Variants in KCNIP4 observed in about 807,000 individuals in gnomAD.
The protein encoded by KCNIP4 is Kv channel-interacting protein 4.
A neutral mutation model predicts 34.0 loss-of-function variants in KCNIP4; 12 were observed. The observed-to-expected ratio is 0.35, with a 90% CI of 0.23 to 0.57. The LOEUF is 0.57. Ranked by LOEUF, KCNIP4 falls within the 20% of genes least tolerant of loss-of-function variation. KCNIP4 has a pLI of 0.83. For synonymous variants in KCNIP4, 124 were observed against 102.2 expected (o/e 1.21, Z -1.29); for missense variants, 238 against 311.7 (o/e 0.76, Z 1.78).
At chr4:20,732,291 G>A (rs538398127) in intron 7 of KCNIP4, among the ~76,000 whole-genome samples, 51 of 152,274 alleles carry the variant, frequency 3.3e-4, no homozygotes, top group African/African-American at 1.1e-3. Context: ...AAGATGTAGA[G>A]TCACTCTGTC....
At chr4:20,740,403 G>C (rs1475143179) in intron 5 of KCNIP4, among the ~76,000 whole-genome samples, 1 of 152,198 alleles carries the variant, frequency 6.6e-6, no homozygotes, top group Non-Finnish European at 1.5e-5. Context: ...TTACAAGCCA[G>C]AAGAGAGTGG....
At position 21,855,956 on chromosome 4, in the gene KCNIP4, C is replaced by T. The variant is rs115997330; in HGVS notation, c.61+92615G>A. Among the ~76,000 whole-genome samples the T allele has an allele frequency of 1.0e-2, 1,523 of 152,308 alleles. 29 individuals carry two copies. The highest frequency in any genetic ancestry group is 0.035 in the African/African-American group (1,436 of 41,566). On this transcript the variant is annotated intron_variant, in intron 1 of 8. Transcript: ENST00000382152. ...AAATCAATTAACAACATTGAAAAAT[C>T]AGAATATGTCTGTTAAAATGAGAGT...
chr4:21,621,275 T>C (rs1341282124), intron 1 of KCNIP4, among the ~76,000 whole-genome samples: 1 of 152,224 alleles, frequency 6.6e-6, no homozygotes, highest in Non-Finnish European at 1.5e-5. Context: ...CACTTAATGC[T>C]ATCTAGATCT....
At chr4:20,855,820 A>G (rs1260021515) in intron 2 of KCNIP4, among the ~76,000 whole-genome samples, 1 of 152,206 alleles carries the variant, frequency 6.6e-6, no homozygotes, top group Non-Finnish European at 1.5e-5. Flanking sequence ...ATAGTGACGG[A>G]TGAATAAAAA....
intron 1 of KCNIP4, among the ~76,000 whole-genome samples, chr4:21,483,101 T>A: frequency 7.4e-6 from 1 of 135,202 alleles, no homozygotes; most frequent in African/African-American, 2.7e-5. Flanking sequence ...GGGGGAGGGA[T>A]AGCATTAGGA....
At chr4:21,887,033 A>G (rs1211957523) in intron 1 of KCNIP4, among the ~76,000 whole-genome samples, 2 of 152,306 alleles carry the variant, frequency 1.3e-5, no homozygotes, top group African/African-American at 4.8e-5. Context: ...CATCATTGCC[A>G]GCTTCAGGAC....
chr4:21,944,500 C>T (rs879877533), intron 1 of KCNIP4, among the ~76,000 whole-genome samples: 1 of 141,764 alleles, frequency 7.1e-6, no homozygotes, highest in Non-Finnish European at 1.5e-5. Flanking sequence ...GAGATTGCAG[C>T]GAGCCAAGGT....
intron 1 of KCNIP4, among the ~76,000 whole-genome samples, chr4:20,951,694 T>C (rs1400139022): frequency 2.0e-5 from 3 of 152,184 alleles, no homozygotes; most frequent in Non-Finnish European, 4.4e-5. Flanking sequence ...TCTAAGTGTT[T>C]GAGTGTTGGA....
intron 1 of KCNIP4, among the ~76,000 whole-genome samples, chr4:21,407,471 T>C (rs1724094852): frequency 6.6e-6 from 1 of 152,202 alleles, no homozygotes; most frequent in Non-Finnish European, 1.5e-5. Flanking sequence ...TTTCACTGTG[T>C]GTTCCACAGC....
Position 21,940,612 on chromosome 4 carries a change from T to C in KCNIP4, c.61+7959A>G, listed in dbSNP as rs139545201. Among the ~76,000 whole-genome samples, 1,088 of 152,242 alleles carry C rather than the reference T, an allele frequency of 7.1e-3. 5 individuals carry two copies. Among genetic ancestry groups the C allele is most frequent in the South Asian group, 0.025 (119 of 4,828 alleles). On this transcript the variant is annotated intron_variant, in intron 1 of 8. Coordinates refer to ENST00000382152, the MANE Select transcript of KCNIP4 (RefSeq NM_025221.6). Reference sequence around the variant, plus strand: ...TCTTTGTAAATATTTGCTGAATTGATCTCATTTCATCATTACAGGATCTTT... The same window carrying C: ...TCTTTGTAAATATTTGCTGAATTGACCTCATTTCATCATTACAGGATCTTT...
Position 20,805,768 on chromosome 4 carries a change from A to G in KCNIP4, c.288+44775T>C, listed in dbSNP as rs536997529. On this transcript the variant is annotated intron_variant, in intron 3 of 8. Coordinates refer to ENST00000382152, the MANE Select transcript of KCNIP4 (RefSeq NM_025221.6). ...TCAATTAAAGTCTTTTCATTGCTTA[A>G]ATCTTTCTTTCCTCAGAGTAGTAGA... 3.8e-3 allele frequency among the ~76,000 whole-genome samples: 574 copies of G among 152,184 alleles called. 2 individuals are homozygous for G. The highest frequency in any genetic ancestry group is 0.013 in the African/African-American group (548 of 41,554).
intron 1 of KCNIP4, among the ~76,000 whole-genome samples, chr4:21,937,202 G>T (rs958092639): frequency 1.3e-5 from 2 of 152,016 alleles, no homozygotes; most frequent in Non-Finnish European, 2.9e-5. Context: ...GTTTGACCTG[G>T]ATGTTTTCCC....
At chr4:20,822,684 A>C (rs894927190) in intron 3 of KCNIP4, among the ~76,000 whole-genome samples, 1 of 152,242 alleles carries the variant, frequency 6.6e-6, no homozygotes, top group Admixed American at 6.5e-5. Context: ...GGATACAAAG[A>C]AACAATGCAT....
chr4:21,924,402 C>A (rs558683998), intron 1 of KCNIP4, among the ~76,000 whole-genome samples: 10 of 152,024 alleles, frequency 6.6e-5, no homozygotes, highest in Middle Eastern at 3.4e-3. Context: ...CACCACCACA[C>A]CTGGCTAATT....
intron 1 of KCNIP4, among the ~76,000 whole-genome samples, chr4:21,654,245 C>T (rs1747739816): frequency 1.3e-5 from 2 of 152,150 alleles, no homozygotes; most frequent in African/African-American, 4.8e-5. Context: ...ACCACACAGC[C>T]CTCAGAGTAT....
intron 1 of KCNIP4, among the ~76,000 whole-genome samples, chr4:21,254,963 CT>C (rs2109087740): frequency 1.3e-5 from 2 of 152,306 alleles, no homozygotes; most frequent in African/African-American, 4.8e-5. Context: ...GACTCATCAA[CT>C]GATGAACCAC....
intron 1 of KCNIP4, among the ~76,000 whole-genome samples, chr4:21,768,524 G>A (rs1718571335): frequency 6.6e-6 from 1 of 152,034 alleles, no homozygotes; most frequent in South Asian, 2.1e-4. Flanking sequence ...TCAGTCTTGA[G>A]GTACCTTTGT....
At chr4:21,571,469 T>G (rs970003305) in intron 1 of KCNIP4, among the ~76,000 whole-genome samples, 12 of 152,190 alleles carry the variant, frequency 7.9e-5, no homozygotes, top group African/African-American at 2.9e-4. Context: ...TCTTAAGAGT[T>G]TGGCTCCTTA....
chr4:20,844,791 C>T (rs1720167657), intron 3 of KCNIP4, among the ~76,000 whole-genome samples: 1 of 152,108 alleles, frequency 6.6e-6, no homozygotes, highest in Non-Finnish European at 1.5e-5. Context: ...GATCTTACTG[C>T]AGAATTTCCC....
Sources: allele counts gnomAD v4.1 joint callset (sites outside exome capture counted in the v4.1 genomes callset), GRCh38; gene constraint gnomAD v4.1.1; transcripts MANE v1.5; gene names NCBI Gene and HGNC (gene_info 2026-07-23, HGNC 2026-07-21).